The following EPHA10 variants were observed in gnomAD, a reference collection of about 807,000 sequenced individuals.
EPHA10 encodes the protein EPH receptor A10, also known as ephrin type-A receptor 10.
A neutral mutation model predicts 109.7 loss-of-function variants in EPHA10; 120 were observed. The ratio of observed to expected loss-of-function variants is 1.09; its 90% CI spans 0.94 to 1.27. The LOEUF is 1.27. Among genes scored for constraint, EPHA10 ranks in the 50% most tolerant of loss-of-function variants. The pLI is 0.00. For synonymous variants in EPHA10, 640 were observed against 618.9 expected (o/e 1.03, Z -0.51); for missense variants, 1,396 against 1,411.1 (o/e 0.99, Z 0.17).
intron 5 of EPHA10, 98 bp downstream of exon 5, chr1:37,752,778 G>C (rs1398508872): frequency 1.4e-6 from 1 of 736,400 alleles, no homozygotes; most frequent in East Asian, 6.9e-5. Flanking sequence ...CTCTGGGGTG[G>C]GTGGGTGGGG....
chr1:37,719,267 C>T (rs1645744871), intron 15 of EPHA10, 147 bp downstream of exon 15: 8 of 930,174 alleles, frequency 8.6e-6, no homozygotes, highest in Non-Finnish European at 1.3e-5. Context: ...CCTGGGCAGG[C>T]AGGCAGGCTA....
intron 3 of EPHA10, among the ~76,000 whole-genome samples, chr1:37,758,368 C>G (rs1009347951): frequency 6.6e-6 from 1 of 152,186 alleles, no homozygotes; most frequent in African/African-American, 2.4e-5. Flanking sequence ...CGAGATACCT[C>G]CTCTTCTAAT....
At chr1:37,736,374 G>A (rs751940725) in intron 5 of EPHA10, among the ~76,000 whole-genome samples, 3 of 151,668 alleles carry the variant, frequency 2.0e-5, no homozygotes, top group Non-Finnish European at 4.4e-5. Context: ...CTACTTGGGA[G>A]GCTGAGGAAG....
chr1:37,752,939 A>G lies in EPHA10; in HGVS notation c.1294T>C (p.Ser432Pro). ...TVRVAALNGV[S>P]GPAAAAGTTY... is the part of the protein sequence containing the mutation. ...GTTCCCGCGGCGGCCGCCGGGCCCGAGACGCCGTTGAGCGCGGCCACGCGC... is the reference window on the plus strand; with the variant it reads ...GTTCCCGCGGCGGCCGCCGGGCCCGGGACGCCGTTGAGCGCGGCCACGCGC... Residue 432 changes from serine to proline, a missense_variant, in exon 5 of 17, where the codon TCG becomes CCG. Ser to Pro is a moderately conservative substitution (Grantham distance 74, BLOSUM62 -1). Transcript: ENST00000373048. The G allele has an allele frequency of 7.7e-7, 1 of 1,306,522 alleles. No individual in the cohort carries two copies. The highest frequency in any genetic ancestry group is 2.2e-5 in the South Asian group (1 of 46,266). 80.9% of individuals were successfully genotyped at this position (1,306,522 alleles called of 1,614,324 possible). A position where few individuals can be genotyped will look rare whatever the true frequency, so the allele number is the denominator to read the frequency against.
intron 5 of EPHA10, among the ~76,000 whole-genome samples, chr1:37,744,394 CCTGT>C (rs1646200167): frequency 6.6e-6 from 1 of 151,790 alleles, no homozygotes; most frequent in Non-Finnish European, 1.5e-5. Context: ...TCAGTGTGTG[CCTGT>C]AATCCCAGCT....
chr1:37,743,433 A>C lies in EPHA10; in HGVS notation c.1358-8043T>G, dbSNP rs994916352. ...GGCTGGGTGAAGAAACTAAAAGTGCATCAGCAAAATTGAAATATTTAAAAT... is the reference window on the plus strand; with the variant it reads ...GGCTGGGTGAAGAAACTAAAAGTGCCTCAGCAAAATTGAAATATTTAAAAT... On this transcript the variant is annotated intron_variant, in intron 5 of 16. Coordinates refer to ENST00000373048, the MANE Select transcript of EPHA10 (RefSeq NM_001099439.2). 2.6e-5 allele frequency among the ~76,000 whole-genome samples: 4 copies of C among 152,258 alleles called. 1 individual carries two copies. The highest frequency in any genetic ancestry group is 5.9e-5 in the Non-Finnish European group (4 of 68,050).
At chr1:37,719,382 T>G in intron 15 of EPHA10, 32 bp downstream of exon 15, 2 of 1,603,398 alleles carry the variant, frequency 1.2e-6, no homozygotes, top group Admixed American at 1.7e-5. Context: ...CACGGACAGG[T>G]GAGAGGCTGG....
At chr1:37,739,216 T>A (rs906137266) in intron 5 of EPHA10, among the ~76,000 whole-genome samples, 1 of 152,102 alleles carries the variant, frequency 6.6e-6, no homozygotes, top group Non-Finnish European at 1.5e-5. Context: ...AACAGGATAT[T>A]AGTCCTTAAA....
chr1:37,716,035 G>A lies in EPHA10; in HGVS notation c.*2337C>T, dbSNP rs1358549217. On this transcript the variant is annotated 3_prime_UTR_variant, in exon 17 of 17. Transcript: ENST00000373048. ...CCCAAGAAATATAAAAACATCTCCA[G>A]AAGGAACCCCCTCCGACTGGCCCCC... 1.8e-6 allele frequency: 1 copy of A among 570,680 alleles called. No individual in the cohort carries two copies. The highest frequency in any genetic ancestry group is 3.4e-6 in the Non-Finnish European group (1 of 296,740). The allele number at this position is 570,680 out of a possible 1,614,324, so 35.4% of individuals were successfully genotyped here.
chr1:37,720,678 C>T lies in EPHA10; in HGVS notation c.2208+105G>A. 1.9e-6 allele frequency: 3 copies of T among 1,545,538 alleles called. No homozygotes were observed. In the Admixed American group the frequency reaches 5.3e-5, roughly 27 times the overall value. On this transcript the variant is annotated intron_variant, in intron 12 of 16. Transcript: ENST00000373048. ...ACCCTGTGACCACAGGTCAGCCCGGCCAGTGGGGATGATGCCAATTCCAAG... is the reference window on the plus strand; with the variant it reads ...ACCCTGTGACCACAGGTCAGCCCGGTCAGTGGGGATGATGCCAATTCCAAG...
chr1:37,746,418 G>C (rs992911244), intron 5 of EPHA10, among the ~76,000 whole-genome samples: 5 of 151,988 alleles, frequency 3.3e-5, no homozygotes, highest in African/African-American at 1.2e-4. Flanking sequence ...TTTTCTTATA[G>C]AGATACCAGT....
intron 5 of EPHA10, among the ~76,000 whole-genome samples, chr1:37,746,202 G>C (rs2148353050): frequency 6.7e-6 from 1 of 149,808 alleles, no homozygotes; most frequent in East Asian, 2.0e-4. Context: ...CCAGGTTCAA[G>C]CAATTCTCCT....
intron 3 of EPHA10, among the ~76,000 whole-genome samples, chr1:37,757,044 T>C (rs1046325573): frequency 7.2e-5 from 11 of 152,122 alleles, no homozygotes; most frequent in Non-Finnish European, 2.9e-5. Context: ...CCCAGGCTGA[T>C]CTTGAACTCC....
Position 37,719,498 on chromosome 1 carries a change from G to C in EPHA10, c.2672C>G (p.Pro891Arg). The C allele has an allele frequency of 6.2e-7, 1 of 1,614,022 alleles. No individual in the cohort carries two copies. The highest frequency in any genetic ancestry group is 1.1e-5 in the South Asian group (1 of 91,070). Reference sequence around the variant, plus strand: ...GATGCTGTGGATCTGGGAGAACCTGGGCCGCTCACCTGGGTCCTTCTGCCA... The same window carrying C: ...GATGCTGTGGATCTGGGAGAACCTGCGCCGCTCACCTGGGTCCTTCTGCCA... ...DCWQKDPGER[P>R]RFSQIHSILS... Residue 891 changes from proline (P) to arginine (R), a missense_variant, in exon 15 of 17, where the codon CCC (proline) becomes CGC (arginine). Physicochemically the swap from Pro to Arg is moderately radical, Grantham distance 103 (BLOSUM62 -2). Transcript: ENST00000373048.
In EPHA10 at chr1:37,735,298, C is replaced by A; in HGVS notation, c.1450G>T (p.Gly484Trp). 6.4e-7 allele frequency: 1 copy of A among 1,562,008 alleles called. No individual in the cohort carries two copies. The highest frequency in any genetic ancestry group is 2.4e-5 in the East Asian group (1 of 41,846). ...ATCTCGTACTCCGTGTCATTGGCCCCAGGGGCTCCGGCAGGGATGGGCTCC... is the reference window on the plus strand; with the variant it reads ...ATCTCGTACTCCGTGTCATTGGCCCAAGGGGCTCCGGCAGGGATGGGCTCC... ...WREPIPAGAP[G>W]ANDTEYEIRY... The change falls in exon 6 of 17, where the codon GGG becomes TGG. Residue 484 changes from glycine to tryptophan, a missense_variant. Gly to Trp is a radical substitution (Grantham distance 184). Transcript: ENST00000373048.
intron 5 of EPHA10, 127 bp downstream of exon 5, chr1:37,752,749 C>CACGA (rs1646347442): frequency 2.1e-6 from 1 of 486,342 alleles, no homozygotes; most frequent in African/African-American, 3.9e-5. Flanking sequence ...GGGCGGGGTG[C>CACGA]GTGTACAGAG....
In EPHA10 at chr1:37,753,002, T is replaced by C. The variant is rs1646353056; in HGVS notation, c.1231A>G (p.Thr411Ala). 8.1e-7 allele frequency: 1 copy of C among 1,231,978 alleles called. No homozygotes were observed. Among genetic ancestry groups the C allele is most frequent in the Non-Finnish European group, 1.0e-6 (1 of 988,236 alleles). The allele number at this position is 1,231,978 out of a possible 1,614,324, so 76.3% of individuals were successfully genotyped here. A position where few individuals can be genotyped will look rare whatever the true frequency, so the allele number is the denominator to read the frequency against. ...RQAGLRERAA[T>A]LLHLRPGARY... ...GCGCCGGGCCGCAGGTGCAGCAGCG[T>C]GGCGGCTCGCTCCCGCAGCCCTGCC... is the stretch of plus-strand genomic sequence containing the variant. Residue 411 changes from threonine to alanine, a missense_variant, in exon 5 of 17, where the codon ACG (threonine) becomes GCG (alanine). Transcript: ENST00000373048.
chr1:37,735,435 G>T (rs1374539911), intron 5 of EPHA10, 45 bp from the exon 6 acceptor site: 2 of 1,551,400 alleles, frequency 1.3e-6, no homozygotes, highest in Non-Finnish European at 1.7e-6. Context: ...CCCACCTCAC[G>T]GCAGGGCTGG....
At position 37,721,804 on chromosome 1, in the gene EPHA10, C is replaced by T. The variant is rs748130584; in HGVS notation, c.2002G>A (p.Gly668Ser). The change falls in exon 11 of 17, where the codon GGT becomes AGT. Residue 668 changes from glycine to serine, a missense_variant. Physicochemically the swap from Gly to Ser is moderately conservative, Grantham distance 56. Transcript: ENST00000373048. ...ELCCGCLQLP[G>S]RQELLVAVHM... Reference sequence around the variant, plus strand: ...ACGGCTACGAGCAGCTCCTGGCGACCGGGGAGCTGCAAGCAGCCACAGCAC... The same window carrying T: ...ACGGCTACGAGCAGCTCCTGGCGACTGGGGAGCTGCAAGCAGCCACAGCAC... The T allele has an allele frequency of 6.2e-6, 10 of 1,608,272 alleles. No individual in the cohort carries two copies. Among genetic ancestry groups the T allele is most frequent in the Admixed American group, 1.7e-5 (1 of 59,666 alleles).
Sources: allele counts gnomAD v4.1 joint callset (sites outside exome capture counted in the v4.1 genomes callset), GRCh38; gene constraint gnomAD v4.1.1; transcripts MANE v1.5; gene names NCBI Gene and HGNC (gene_info 2026-07-23, HGNC 2026-07-21).